Variants in PTPRG observed in about 807,000 individuals in gnomAD.
PTPRG encodes protein tyrosine phosphatase receptor type G.
A neutral mutation model predicts 165.3 loss-of-function variants in PTPRG; 102 were observed. That is an observed-to-expected ratio of 0.62 (90% CI 0.53 to 0.73). The LOEUF (loss-of-function observed/expected upper bound fraction) is 0.73. PTPRG is among the 30% of genes least tolerant of loss of function. The probability of loss-of-function intolerance (pLI) is 0.00; values close to 1 mark genes in which losing one functional copy is unlikely to be tolerated. For missense variants in PTPRG, 1,866 were observed against 1,861.4 expected (o/e 1.00, Z -0.05); for synonymous variants, 675 against 669.5 (o/e 1.01, Z -0.13).
intron 2 of PTPRG, among the ~76,000 whole-genome samples, chr3:61,779,739 C>T (rs1267438014): frequency 6.6e-6 from 1 of 152,076 alleles, no homozygotes; most frequent in East Asian, 1.9e-4. Flanking sequence ...GTTAATATCC[C>T]ACCCACATTT....
In PTPRG at chr3:61,655,092, C is replaced by T. The variant is rs569081300; in HGVS notation, c.85+92720C>T. Among the ~76,000 whole-genome samples, 18 of 152,136 alleles carry T rather than the reference C, an allele frequency of 1.2e-4. No homozygotes were observed. In the East Asian group the frequency reaches 2.5e-3, roughly 21 times the overall value. Reference sequence around the variant, plus strand: ...GTGAGCCACCGCACCCGGCCACCTGCGCTTTATCAGCTTATTGAGGTGTGC... The same window carrying T: ...GTGAGCCACCGCACCCGGCCACCTGTGCTTTATCAGCTTATTGAGGTGTGC... On this transcript the variant is annotated intron_variant, in intron 1 of 29. Transcript: ENST00000474889.
At chr3:62,140,108 C>T (rs977724967) in intron 6 of PTPRG, among the ~76,000 whole-genome samples, 3 of 152,182 alleles carry the variant, frequency 2.0e-5, no homozygotes, top group Admixed American at 1.3e-4. Flanking sequence ...GTTGCATCAC[C>T]AGCCACACAT....
At chr3:62,105,762 A>G (rs1389120912) in intron 5 of PTPRG, among the ~76,000 whole-genome samples, 1 of 152,116 alleles carries the variant, frequency 6.6e-6, no homozygotes, top group Non-Finnish European at 1.5e-5. Context: ...GATACCATGG[A>G]GTCTTTGAGG....
intron 2 of PTPRG, among the ~76,000 whole-genome samples, chr3:61,778,190 A>G (rs1250315213): frequency 2.0e-5 from 3 of 152,224 alleles, no homozygotes; most frequent in Non-Finnish European, 4.4e-5. Flanking sequence ...CGAAGGAATG[A>G]AAGCTGAGAT....
chr3:61,618,389 C>G (rs924338166), intron 1 of PTPRG, among the ~76,000 whole-genome samples: 4 of 152,144 alleles, frequency 2.6e-5, no homozygotes, highest in African/African-American at 4.8e-5. Flanking sequence ...GTGTCCTGCT[C>G]ACATTTGAAT....
intron 2 of PTPRG, among the ~76,000 whole-genome samples, chr3:61,905,315 A>C (rs1271319899): frequency 6.6e-6 from 1 of 152,138 alleles, no homozygotes; most frequent in East Asian, 1.9e-4. Flanking sequence ...AGATTATCTT[A>C]TCCTCTAAAC....
chr3:61,954,098 T>A (rs184912817), intron 2 of PTPRG, among the ~76,000 whole-genome samples: 71 of 152,306 alleles, frequency 4.7e-4, no homozygotes, highest in Non-Finnish European at 9.4e-4. Flanking sequence ...GAGAGTAATT[T>A]TGACGATGCC....
intron 2 of PTPRG, among the ~76,000 whole-genome samples, chr3:61,831,289 G>A (rs545369405): frequency 3.3e-5 from 5 of 152,302 alleles, no homozygotes; most frequent in African/African-American, 1.2e-4. Context: ...TTTTGTGAAA[G>A]AGCATAATAC....
intron 2 of PTPRG, among the ~76,000 whole-genome samples, chr3:61,926,653 A>AT (rs1022722264): frequency 1.6e-5 from 2 of 123,440 alleles, no homozygotes; most frequent in African/African-American, 3.2e-5. Context: ...ATCATAAGGT[A>AT]TTTTTTTATA....
At chr3:62,022,024 A>G (rs2041706235) in intron 4 of PTPRG, among the ~76,000 whole-genome samples, 1 of 152,120 alleles carries the variant, frequency 6.6e-6, no homozygotes, top group Non-Finnish European at 1.5e-5. Context: ...GAGAATACAT[A>G]TATATGTATA....
chr3:61,812,776 T>G (rs1324059883), intron 2 of PTPRG, among the ~76,000 whole-genome samples: 1 of 152,216 alleles, frequency 6.6e-6, no homozygotes, highest in South Asian at 2.1e-4. Flanking sequence ...CAGATAATTC[T>G]CTGATGCAGT....
chr3:61,702,271 G>C (rs969965302), intron 1 of PTPRG, among the ~76,000 whole-genome samples: 2 of 152,160 alleles, frequency 1.3e-5, no homozygotes, highest in Admixed American at 6.5e-5. Context: ...GAGCCACCGC[G>C]TCTGGCCATG....
chr3:62,064,278 C>T (rs1172048399), intron 4 of PTPRG, among the ~76,000 whole-genome samples: 1 of 152,196 alleles, frequency 6.6e-6, no homozygotes, highest in African/African-American at 2.4e-5. Context: ...CGTGAGCCTT[C>T]CCTTGCCTTA....
chr3:61,883,955 A>G (rs1367941286), intron 2 of PTPRG, among the ~76,000 whole-genome samples: 1 of 152,128 alleles, frequency 6.6e-6, no homozygotes, highest in Admixed American at 6.6e-5. Flanking sequence ...GCCTCAAGCA[A>G]TCCTGCCACC....
intron 1 of PTPRG, among the ~76,000 whole-genome samples, chr3:61,714,967 T>C (rs1302669602): frequency 2.0e-5 from 3 of 152,150 alleles, no homozygotes; most frequent in Non-Finnish European, 4.4e-5. Context: ...CAAACAGCAA[T>C]CAAATTTGAG....
Position 62,293,557 on chromosome 3 carries a change from A to G in PTPRG, c.*250A>G. 3.3e-6 allele frequency: 1 copy of G among 305,566 alleles called. No homozygotes were observed. The highest frequency in any genetic ancestry group is 6.0e-6 in the Non-Finnish European group (1 of 166,974). 18.9% of individuals were successfully genotyped at this position (305,566 alleles called of 1,614,324 possible). On this transcript the variant is annotated 3_prime_UTR_variant, in exon 30 of 30. Transcript: ENST00000474889. ...CTATATGATCAGTGTTACTGCCTAT[A>G]ATCTTATACAACAGCAAACCCTGAT...
chr3:61,692,544 G>T (rs1416365087), intron 1 of PTPRG, among the ~76,000 whole-genome samples: 1 of 152,146 alleles, frequency 6.6e-6, no homozygotes, highest in African/African-American at 2.4e-5. Flanking sequence ...TTTCACCTGG[G>T]TACAGGCGGG....
chr3:62,076,677 G>A (rs1402042265), intron 4 of PTPRG, among the ~76,000 whole-genome samples: 1 of 151,806 alleles, frequency 6.6e-6, no homozygotes, highest in Non-Finnish European at 1.5e-5. Flanking sequence ...CGCCTCCCAG[G>A]TTCAAGTGAT....
chr3:62,060,435 A>T (rs892818245), intron 4 of PTPRG, among the ~76,000 whole-genome samples: 1 of 152,226 alleles, frequency 6.6e-6, no homozygotes, highest in South Asian at 2.1e-4. Flanking sequence ...ACCAGATGAG[A>T]TTGCACAAGG....
Sources: gnomAD v4.1 joint callset for allele counts (sites outside exome capture counted in the v4.1 genomes callset) on GRCh38, gnomAD v4.1.1 for gene constraint, MANE v1.5 for transcripts, NCBI Gene and HGNC (gene_info 2026-07-23, HGNC 2026-07-21) for gene names.